Variants in PUM2 observed in about 807,000 individuals in gnomAD.
The protein encoded by PUM2 is pumilio RNA binding family member 2, also known as pumilio homolog 2.
In PUM2, 57 loss-of-function variants were observed where a neutral mutation model predicts 124.5. The ratio of observed to expected loss-of-function variants is 0.46; its 90% CI spans 0.37 to 0.57. The LOEUF (loss-of-function observed/expected upper bound fraction) is 0.57. PUM2 is among the 20% of genes least tolerant of loss of function. PUM2 has a pLI of 0.00. For synonymous variants in PUM2, 460 were observed against 446.1 expected (o/e 1.03, Z -0.39); for missense variants, 1,065 against 1,290.6 (o/e 0.83, Z 2.68).
intron 14 of PUM2, among the ~76,000 whole-genome samples, chr2:20,261,465 C>T (rs1200428407): frequency 8.0e-6 from 1 of 124,782 alleles, no homozygotes; most frequent in East Asian, 2.2e-4. Context: ...TAATAAACAA[C>T]TGAGTTACTG....
At chr2:20,257,675 T>C (rs1665141570) in intron 16 of PUM2, among the ~76,000 whole-genome samples, 1 of 152,182 alleles carries the variant, frequency 6.6e-6, no homozygotes, top group Non-Finnish European at 1.5e-5. Context: ...ATTTTAAGCA[T>C]TATTTTGATC....
Position 20,319,247 on chromosome 2 carries a change from C to T in PUM2, c.52-602G>A, listed in dbSNP as rs115097721. ...ATAGCACATAAAAATTGTGTTGATA[C>T]AATCATTCACTGATTACTCAAAATG... On this transcript the variant is annotated intron_variant, in intron 2 of 20. Coordinates refer to ENST00000361078, the MANE Select transcript of PUM2 (RefSeq NM_015317.5). Among the ~76,000 whole-genome samples, 389 of 152,312 alleles carry T rather than the reference C, an allele frequency of 2.6e-3. 2 individuals carry two copies. Among genetic ancestry groups the T allele is most frequent in the African/African-American group, 8.8e-3 (365 of 41,556 alleles).
intron 7 of PUM2, among the ~76,000 whole-genome samples, chr2:20,305,406 A>G (rs2148483416): frequency 7.0e-6 from 1 of 143,824 alleles, no homozygotes; most frequent in East Asian, 2.2e-4. Flanking sequence ...TCAGCCTGGG[A>G]AGCTGAGGCT....
chr2:20,278,781 ACT>A lies in PUM2; in HGVS notation c.1757_1758del (p.Glu586ValfsTer5). 1 of 1,613,390 alleles carries A rather than the reference ACT, an allele frequency of 6.2e-7. No homozygotes were observed. On this transcript the variant is annotated frameshift_variant, in exon 13 of 21. Coordinates refer to ENST00000361078, the MANE Select transcript of PUM2 (RefSeq NM_015317.5). LOFTEE classifies it high-confidence loss of function. ...SSASSSATRR[E>X]SLSTSSDLYK... ...TACAAGTCAGAGCTAGTAGATAGAG[ACT>A]CTCTCCTTGTGGCACTACTACTTGC...
In PUM2 at chr2:20,294,480, A is replaced by G. The variant is rs1191336426; in HGVS notation, c.1048T>C (p.Trp350Arg). Residue 350 changes from tryptophan (W) to arginine (R), a missense_variant, in exon 9 of 21, where the codon TGG (tryptophan) becomes CGG (arginine). Physicochemically the swap from Trp to Arg is moderately radical, Grantham distance 101. Transcript: ENST00000361078. ...AATAAGTTGGCTGGATACACCCCCC[A>G]TGGAACGCCGTAATACTGAGGTGGA... is the stretch of plus-strand genomic sequence containing the variant. ...VVPPQYYGVP[W>R]GVYPANLFQQ... 6.2e-7 allele frequency: 1 copy of G among 1,614,080 alleles called. No homozygotes were observed.
chr2:20,257,229 T>C (rs6753408), intron 16 of PUM2, among the ~76,000 whole-genome samples: 12 of 152,254 alleles, frequency 7.9e-5, no homozygotes, highest in Non-Finnish European at 1.2e-4. Flanking sequence ...TAAATGTGTT[T>C]ATATTTCTCC....
At chr2:20,266,030 TAAC>T (rs1667563502) in intron 13 of PUM2, among the ~76,000 whole-genome samples, 1 of 152,178 alleles carries the variant, frequency 6.6e-6, no homozygotes, top group Non-Finnish European at 1.5e-5. Flanking sequence ...TATCAGCTCC[TAAC>T]AACAGAACTC....
chr2:20,350,596 C>A lies in PUM2; in HGVS notation c.-19+1G>T. On this transcript the variant is annotated splice_donor_variant, in intron 1 of 20. Transcript: ENST00000361078. LOFTEE classifies it low-confidence loss of function (5UTR_SPLICE). ...GAAAGAGCGAACGCGGACTGACTTA[C>A]AGGGCTGCTGCGGCCGCGCTGCCTC... 1 of 985,516 alleles carries A rather than the reference C, an allele frequency of 1.0e-6. No individual in the cohort carries two copies. 61.0% of individuals were successfully genotyped at this position (985,516 alleles called of 1,614,324 possible).
chr2:20,295,239 GTAAA>G (rs1422220558), intron 8 of PUM2, among the ~76,000 whole-genome samples: 2 of 152,074 alleles, frequency 1.3e-5, no homozygotes, highest in Non-Finnish European at 1.5e-5. Flanking sequence ...TTCCTAGAAA[GTAAA>G]TAGTTTTATG....
chr2:20,258,427 C>T, intron 15 of PUM2, 56 bp from the exon 16 acceptor site: 2 of 1,559,042 alleles, frequency 1.3e-6, no homozygotes, highest in Non-Finnish European at 1.8e-6. Flanking sequence ...CTTTGTTGAA[C>T]TTGAGTAAGG....
At chr2:20,336,177 G>T (rs957963788) in intron 1 of PUM2, among the ~76,000 whole-genome samples, 7 of 147,936 alleles carry the variant, frequency 4.7e-5, no homozygotes, top group African/African-American at 1.7e-4. Flanking sequence ...CACAAAAAGC[G>T]TTTTTTTGTT....
rs570987888 is a variant in PUM2 at position 20,254,750 on chromosome 2, CAAA to C, written c.2870+110_2870+112del. The C allele has an allele frequency of 6.3e-4, 627 of 994,758 alleles. 1 individual carries two copies. The African/African-American group carries it at 0.01, about 17-fold the overall frequency. 61.6% of individuals were successfully genotyped at this position (994,758 alleles called of 1,614,324 possible). A position where few individuals can be genotyped will look rare whatever the true frequency, so the allele number is the denominator to read the frequency against. The stretch of plus-strand genomic sequence containing the variant: ...TTCTATAGGTGCATTTTAATGATAC[CAAA>C]AAAAAAAGACTACAGTTTAATGCTA... On this transcript the variant is annotated intron_variant, in intron 19 of 20. Transcript: ENST00000361078.
At chr2:20,328,058 G>A (rs1453313305) in intron 1 of PUM2, among the ~76,000 whole-genome samples, 1 of 152,192 alleles carries the variant, frequency 6.6e-6, no homozygotes, top group East Asian at 1.9e-4. Flanking sequence ...CATTTGGCTA[G>A]GTGTGGTGGC....
chr2:20,290,921 G>C, intron 9 of PUM2, 131 bp from the exon 10 acceptor site: 1 of 711,672 alleles, frequency 1.4e-6, no homozygotes. Flanking sequence ...AGGAAATGTA[G>C]ATTTAGCATG....
intron 2 of PUM2, 62 bp from the exon 3 acceptor site, chr2:20,318,707 A>G: frequency 8.4e-7 from 1 of 1,186,100 alleles, no homozygotes; most frequent in South Asian, 1.3e-5. Flanking sequence ...ATATATAAGA[A>G]GTCTCAAACA....
At chr2:20,260,561 C>T in intron 14 of PUM2, 95 bp from the exon 15 acceptor site, 1 of 1,096,416 alleles carries the variant, frequency 9.1e-7, no homozygotes, top group East Asian at 2.5e-5. Flanking sequence ...CAAGTTATTT[C>T]CATAAATATT....
At chr2:20,256,366 G>A (rs924882966) in intron 16 of PUM2, among the ~76,000 whole-genome samples, 196 bp from the exon 17 acceptor site, 1 of 151,980 alleles carries the variant, frequency 6.6e-6, no homozygotes, top group Non-Finnish European at 1.5e-5. Flanking sequence ...TTTTTCTCTT[G>A]TAGTATAATT....
At chr2:20,303,093 T>C (rs930459970) in intron 7 of PUM2, among the ~76,000 whole-genome samples, 3 of 152,058 alleles carry the variant, frequency 2.0e-5, no homozygotes, top group Non-Finnish European at 4.4e-5. Context: ...TAAAAATTAC[T>C]CCCTTAAAGC....
chr2:20,260,718 A>ACCACATT (rs1479202202), intron 14 of PUM2, among the ~76,000 whole-genome samples: 10 of 152,338 alleles, frequency 6.6e-5, no homozygotes, highest in African/African-American at 2.4e-4. Context: ...TTACATTATA[A>ACCACATT]TCAATAAGAA....
Sources: gnomAD v4.1 joint callset for allele counts (sites outside exome capture counted in the v4.1 genomes callset) on GRCh38, gnomAD v4.1.1 for gene constraint, MANE v1.5 for transcripts, NCBI Gene and HGNC (gene_info 2026-07-23, HGNC 2026-07-21) for gene names.